The following XKR4 variants were observed in gnomAD, a reference collection of about 807,000 sequenced individuals.
The protein encoded by XKR4 is XK related 4, also known as XK-related protein 4.
In XKR4, 12 loss-of-function variants were observed where a neutral mutation model predicts 53.9. The observed-to-expected ratio is 0.22, with a 90% CI of 0.14 to 0.36. The LOEUF (loss-of-function observed/expected upper bound fraction) is 0.36, where lower values mean the gene tolerates loss of function less well. Ranked by LOEUF, XKR4 falls within the 10% of genes least tolerant of loss-of-function variation. XKR4 has a pLI of 1.00. For missense variants in XKR4, 799 were observed against 859.5 expected (o/e 0.93, Z 0.88); for synonymous variants, 354 against 362.4 (o/e 0.98, Z 0.26).
intron 2 of XKR4, among the ~76,000 whole-genome samples, chr8:55,400,160 C>T (rs1230235944): frequency 1.3e-5 from 2 of 152,122 alleles, no homozygotes; most frequent in East Asian, 3.9e-4. Flanking sequence ...CACATAAGTC[C>T]ACTTTCCAAA....
chr8:55,388,910 A>C (rs1204624751), intron 2 of XKR4, among the ~76,000 whole-genome samples: 1 of 152,222 alleles, frequency 6.6e-6, no homozygotes, highest in Non-Finnish European at 1.5e-5. Context: ...ACACCACAAA[A>C]TATGCCTGAG....
At chr8:55,369,437 AAGGGAAAGGAGGAACGGG>A (rs1252714448) in intron 2 of XKR4, among the ~76,000 whole-genome samples, 1 of 116,092 alleles carries the variant, frequency 8.6e-6, no homozygotes. Context: ...AAGGGAAGGG[AAGGGAAAGGAGGAACGGG>A]AGGGAAAGGG....
chr8:55,524,502 C>T lies in XKR4; in HGVS notation c.*275C>T. ...CTCCTCCTGCACGGTCTTGGGTGCA[C>T]CCACCAGAGGGTACTACTATTATGG... On this transcript the variant is annotated 3_prime_UTR_variant, in exon 3 of 3. Coordinates refer to ENST00000327381, the MANE Select transcript of XKR4 (RefSeq NM_052898.2). 2.1e-6 allele frequency: 1 copy of T among 469,618 alleles called. No individual in the cohort carries two copies. The highest frequency in any genetic ancestry group is 3.8e-6 in the Non-Finnish European group (1 of 262,608). The allele number at this position is 469,618 out of a possible 1,614,324, so 29.1% of individuals were successfully genotyped here.
Position 55,398,723 on chromosome 8 carries a change from A to G in XKR4, c.1006+40846A>G, listed in dbSNP as rs147493205. Among the ~76,000 whole-genome samples the G allele has an allele frequency of 6.1e-3, 925 of 152,352 alleles. 5 individuals carry two copies. Among genetic ancestry groups the G allele is most frequent in the Non-Finnish European group, 9.4e-3 (640 of 68,032 alleles). ...GAAGGAACTGGAAATGAGTGAAACC[A>G]GACAGGGTTGTGAGGAAACAGGACT... is the stretch of plus-strand genomic sequence containing the variant. On this transcript the variant is annotated intron_variant, in intron 2 of 2. Transcript: ENST00000327381.
At chr8:55,372,494 G>A (rs1281220181) in intron 2 of XKR4, among the ~76,000 whole-genome samples, 3 of 151,520 alleles carry the variant, frequency 2.0e-5, no homozygotes, top group East Asian at 1.9e-4. Context: ...GACGGGTAAG[G>A]TCAACTTAAT....
In XKR4 at chr8:55,450,058, C is replaced by A. The variant is rs967899485; in HGVS notation, c.1007-73223C>A. On this transcript the variant is annotated intron_variant, in intron 2 of 2. Coordinates refer to ENST00000327381, the MANE Select transcript of XKR4 (RefSeq NM_052898.2). ...GCTAGGGGTGCCACGTCCATCTGGC[C>A]GGGCTTCAAGGCGCCATGCAGCCTT... 2.0e-5 allele frequency: 15 copies of A among 765,410 alleles called. 1 individual carries two copies. The highest frequency in any genetic ancestry group is 1.9e-4 in the African/African-American group (11 of 58,496). 47.4% of individuals were successfully genotyped at this position (765,410 alleles called of 1,614,324 possible).
chr8:55,455,210 C>G (rs1805547267), intron 2 of XKR4: 1 of 411,226 alleles, frequency 2.4e-6, no homozygotes, highest in South Asian at 2.1e-5. Context: ...CGGGCCTGGC[C>G]CTGGACCGCA....
At chr8:55,166,582 A>G (rs1487976471) in intron 1 of XKR4, among the ~76,000 whole-genome samples, 1 of 152,220 alleles carries the variant, frequency 6.6e-6, no homozygotes, top group Non-Finnish European at 1.5e-5. Flanking sequence ...CATAGTATGT[A>G]TGATGATGAT....
chr8:55,412,606 CCCT>C lies in XKR4; in HGVS notation c.1006+54732_1006+54734del, dbSNP rs558899126. 7.9e-5 allele frequency among the ~76,000 whole-genome samples: 12 copies of C among 152,248 alleles called. 1 individual carries two copies. In the South Asian group the frequency reaches 2.5e-3, roughly 32 times the overall value. The stretch of plus-strand genomic sequence containing the variant: ...CCCATGAAACAGAAACATTTTCAAG[CCCT>C]CCAAAATTTATTCACAAAAGGATAT... On this transcript the variant is annotated intron_variant, in intron 2 of 2. Coordinates refer to ENST00000327381, the MANE Select transcript of XKR4 (RefSeq NM_052898.2).
At chr8:55,322,998 G>A (rs544248387) in intron 1 of XKR4, among the ~76,000 whole-genome samples, 4 of 151,924 alleles carry the variant, frequency 2.6e-5, no homozygotes, top group Admixed American at 6.5e-5. Context: ...ATATTTCAAC[G>A]TTTTGCCATT....
intron 1 of XKR4, among the ~76,000 whole-genome samples, chr8:55,321,675 T>G (rs779426153): frequency 4.6e-5 from 7 of 152,144 alleles, no homozygotes; most frequent in Admixed American, 1.3e-4. Context: ...CAGCATATAT[T>G]TGTGAACCCA....
At chr8:55,278,838 A>T (rs1006557377) in intron 1 of XKR4, among the ~76,000 whole-genome samples, 3 of 152,218 alleles carry the variant, frequency 2.0e-5, no homozygotes, top group Non-Finnish European at 4.4e-5. Flanking sequence ...TTGTGTAATG[A>T]ACTGTTTAGT....
At chr8:55,220,697 C>T (rs1817870016) in intron 1 of XKR4, among the ~76,000 whole-genome samples, 2 of 152,226 alleles carry the variant, frequency 1.3e-5, no homozygotes, top group South Asian at 4.1e-4. Context: ...TGAACTCCGA[C>T]CACCTTCTAG....
intron 1 of XKR4, among the ~76,000 whole-genome samples, chr8:55,212,875 G>A (rs1387304582): frequency 6.6e-6 from 1 of 152,048 alleles, no homozygotes; most frequent in Non-Finnish European, 1.5e-5. Context: ...ACATTAAAGA[G>A]TATAGGAATT....
chr8:55,105,015 A>T (rs921649940), intron 1 of XKR4, among the ~76,000 whole-genome samples: 1 of 152,180 alleles, frequency 6.6e-6, no homozygotes, highest in Non-Finnish European at 1.5e-5. Flanking sequence ...GAAATCACTT[A>T]ATTTTAACCA....
intron 2 of XKR4, among the ~76,000 whole-genome samples, chr8:55,404,350 G>T (rs1451140622): frequency 2.6e-5 from 4 of 152,150 alleles, no homozygotes; most frequent in African/African-American, 9.7e-5. Context: ...AAATATTAGA[G>T]CACAATCCCT....
intron 1 of XKR4, among the ~76,000 whole-genome samples, chr8:55,233,677 C>A (rs1818078363): frequency 6.6e-6 from 1 of 152,232 alleles, no homozygotes. Context: ...ATGCAAATGC[C>A]TGAACTGTGA....
Position 55,451,435 on chromosome 8 carries a change from A to G in XKR4, c.1007-71846A>G, listed in dbSNP as rs568710461. ...ACTGGAGTAGCGGGGCATGGAGCTGACAACAGCCTGCAGGTACTTCTCCTG... is the reference window on the plus strand; with the variant it reads ...ACTGGAGTAGCGGGGCATGGAGCTGGCAACAGCCTGCAGGTACTTCTCCTG... On this transcript the variant is annotated intron_variant, in intron 2 of 2. Coordinates refer to ENST00000327381, the MANE Select transcript of XKR4 (RefSeq NM_052898.2). The G allele has an allele frequency of 1.3e-4, 162 of 1,208,016 alleles. No individual in the cohort carries two copies. In the South Asian group the frequency reaches 2.0e-3, roughly 15 times the overall value. The allele number at this position is 1,208,016 out of a possible 1,614,324, so 74.8% of individuals were successfully genotyped here. A position where few individuals can be genotyped will look rare whatever the true frequency, so the allele number is the denominator to read the frequency against.
intron 1 of XKR4, chr8:55,161,744 A>T: frequency 2.5e-6 from 1 of 392,958 alleles, no homozygotes; most frequent in Non-Finnish European, 5.1e-6. Context: ...CACTTACTGC[A>T]CATACATTCA....
Sources: allele counts gnomAD v4.1 joint callset (sites outside exome capture counted in the v4.1 genomes callset), GRCh38; gene constraint gnomAD v4.1.1; transcripts MANE v1.5; gene names NCBI Gene and HGNC (gene_info 2026-07-23, HGNC 2026-07-21).